The following CELF2 variants were observed in gnomAD, a reference collection of about 807,000 sequenced individuals.
The protein encoded by CELF2 is CUG triplet repeat RNA-binding protein 2.
CELF2 carries 8 observed loss-of-function variants against 62.6 expected under a neutral mutation model. That is an observed-to-expected ratio of 0.13 (90% CI 0.07 to 0.23). The LOEUF (loss-of-function observed/expected upper bound fraction) is 0.23, where lower values mean the gene tolerates loss of function less well. Ranked by LOEUF, CELF2 falls within the 10% of genes least tolerant of loss-of-function variation. The pLI, the probability that CELF2 is intolerant of heterozygous loss-of-function variation, is 1.00. For missense variants in CELF2, 333 were observed against 671.0 expected, an observed-to-expected ratio of 0.50 and a Z score of 5.56; for synonymous variants, 258 against 250.0, an observed-to-expected ratio of 1.03 and a Z score of -0.30.
At chr10:11,035,472 G>A (rs143856156) in intron 1 of CELF2, among the ~76,000 whole-genome samples, 194 of 152,242 alleles carry the variant, frequency 1.3e-3, no homozygotes, top group African/African-American at 2.1e-3. Flanking sequence ...TGCTTCAGAT[G>A]ACTCAGCCAA....
chr10:10,680,140 T>A, the CELF2 span, among the ~76,000 whole-genome samples: 1 of 140,482 alleles, frequency 7.1e-6, no homozygotes, highest in Non-Finnish European at 1.5e-5. Flanking sequence ...TTTGTATGTA[T>A]GTACGTATGT....
intron 2 of CELF2, among the ~76,000 whole-genome samples, chr10:11,182,570 T>C (rs538880268): frequency 6.6e-6 from 1 of 152,294 alleles, no homozygotes; most frequent in South Asian, 2.1e-4. Context: ...GGAGGAAAAT[T>C]TATTTTTGGG....
intron 9 of CELF2, among the ~76,000 whole-genome samples, chr10:11,310,384 G>T (rs913683210): frequency 1.3e-5 from 2 of 152,188 alleles, no homozygotes; most frequent in African/African-American, 4.8e-5. Flanking sequence ...AAGGGAGCAG[G>T]TTGTGGGTTG....
chr10:10,512,806 T>C, the CELF2 span, among the ~76,000 whole-genome samples: 13 of 152,216 alleles, frequency 8.5e-5, no homozygotes, highest in Non-Finnish European at 8.8e-5. Flanking sequence ...GTCTCTTTAG[T>C]TCCTCTACTG....
At position 11,008,211 on chromosome 10, in the gene CELF2, G is replaced by C. The variant is rs911190623; in HGVS notation, c.53+2771G>C. ...ATGTTGGAGGAAAGTTTAATTCTAA[G>C]CCCAGACATGCAGAAAAATGAATAG... On this transcript the variant is annotated intron_variant, in intron 1 of 12. Transcript: ENST00000416382. The surrounding 1 kb of genome is among the most constrained non-coding windows in gnomAD (Gnocchi z 4.5). Among the ~76,000 whole-genome samples the C allele has an allele frequency of 9.2e-5, 14 of 152,132 alleles. No individual in the cohort carries two copies. The highest frequency in any genetic ancestry group is 1.5e-4 in the Non-Finnish European group (10 of 68,014).
the CELF2 span, among the ~76,000 whole-genome samples, chr10:10,530,154 G>T: frequency 1.3e-5 from 2 of 152,154 alleles, no homozygotes; most frequent in Non-Finnish European, 2.9e-5. Flanking sequence ...CAGAAGGAAG[G>T]TTATTAAGCA....
the CELF2 span, among the ~76,000 whole-genome samples, chr10:10,786,125 T>C: frequency 6.6e-6 from 1 of 152,192 alleles, no homozygotes; most frequent in Non-Finnish European, 1.5e-5. Flanking sequence ...GGAAAATCTC[T>C]GGTAAAGCAC....
intron 1 of CELF2, among the ~76,000 whole-genome samples, chr10:11,138,615 A>G (rs2060811640): frequency 6.6e-6 from 1 of 152,224 alleles, no homozygotes; most frequent in African/African-American, 2.4e-5. Flanking sequence ...GAGCCTGAAA[A>G]CATACTGCCA....
intron 2 of CELF2, among the ~76,000 whole-genome samples, chr10:10,969,360 G>A (rs2050506043): frequency 6.6e-6 from 1 of 152,182 alleles, no homozygotes; most frequent in Admixed American, 6.5e-5. Flanking sequence ...CATCAGGGGT[G>A]AGTGATCTCT....
chr10:10,691,757 G>A, the CELF2 span, among the ~76,000 whole-genome samples: 1 of 147,104 alleles, frequency 6.8e-6, no homozygotes, highest in South Asian at 2.3e-4. Context: ...CTGATGGCCA[G>A]TGATGATGAG....
chr10:10,517,673 G>A, the CELF2 span, among the ~76,000 whole-genome samples: 3 of 152,060 alleles, frequency 2.0e-5, no homozygotes, highest in Admixed American at 1.3e-4. Context: ...AGGCAGAGGC[G>A]ATTTTCCCTG....
intron 1 of CELF2, among the ~76,000 whole-genome samples, chr10:10,824,160 A>G (rs2057197694): frequency 6.6e-6 from 1 of 152,198 alleles, no homozygotes; most frequent in Non-Finnish European, 1.5e-5. Flanking sequence ...TTTAGCCATT[A>G]AAGTTTAAAA....
chr10:11,266,774 C>T (rs1203291338), intron 6 of CELF2, 97 bp downstream of exon 6: 5 of 849,538 alleles, frequency 5.9e-6, no homozygotes, highest in African/African-American at 1.7e-5. Context: ...ATGACAATCA[C>T]AGATGTAAAC....
chr10:11,115,989 C>A (rs1044942461), intron 1 of CELF2, among the ~76,000 whole-genome samples: 18 of 152,320 alleles, frequency 1.2e-4, no homozygotes, highest in Non-Finnish European at 2.6e-4. Flanking sequence ...ACCTTTTTCC[C>A]TGTAGCAGCC....
chr10:10,650,022 A>T, the CELF2 span, among the ~76,000 whole-genome samples: 1 of 151,870 alleles, frequency 6.6e-6, no homozygotes, highest in Non-Finnish European at 1.5e-5. Context: ...ATGGACTAGG[A>T]CTTTGCTCCA....
At chr10:11,108,497 C>T (rs1465363007) in intron 1 of CELF2, among the ~76,000 whole-genome samples, 1 of 152,108 alleles carries the variant, frequency 6.6e-6, no homozygotes, top group African/African-American at 2.4e-5. Context: ...TAATAGCACT[C>T]TCAGCGGCCT....
At chr10:10,604,219 A>G in the CELF2 span, among the ~76,000 whole-genome samples, 3 of 152,212 alleles carry the variant, frequency 2.0e-5, no homozygotes, top group Non-Finnish European at 4.4e-5. Context: ...GACACAAACA[A>G]AAAAAGATTT....
At chr10:10,785,137 A>G in the CELF2 span, among the ~76,000 whole-genome samples, 4 of 152,232 alleles carry the variant, frequency 2.6e-5, no homozygotes, top group African/African-American at 9.6e-5. Context: ...TTTGAGTTAC[A>G]GCCAATCCTC....
chr10:10,462,888 G>T, the CELF2 span, among the ~76,000 whole-genome samples: 6 of 152,020 alleles, frequency 3.9e-5, no homozygotes, highest in African/African-American at 1.4e-4. Flanking sequence ...GTTGTTGATT[G>T]TTTGGAGTTG....
Sources: allele counts gnomAD v4.1 joint callset (sites outside exome capture counted in the v4.1 genomes callset), GRCh38; gene constraint gnomAD v4.1.1; non-coding constraint Gnocchi (gnomAD v3.1); transcripts MANE v1.5; gene names NCBI Gene and HGNC (gene_info 2026-07-23, HGNC 2026-07-21).